PSD2: variants seen among roughly 807,000 people sequenced by gnomAD.
PSD2 encodes the protein pleckstrin and Sec7 domain containing 2, also known as PH and SEC7 domain-containing protein 2.
A neutral mutation model predicts 69.8 loss-of-function variants in PSD2; 38 were observed. The ratio of observed to expected loss-of-function variants is 0.54; its 90% CI spans 0.42 to 0.71. The LOEUF (loss-of-function observed/expected upper bound fraction) is 0.71. Among genes scored for constraint, PSD2 ranks in the 30% least tolerant of loss-of-function variants. PSD2 has a pLI of 0.00. For synonymous variants in PSD2, 412 were observed against 423.0 expected (o/e 0.97, Z 0.32); for missense variants, 943 against 1,014.5 (o/e 0.93, Z 0.96).
intron 7 of PSD2, among the ~76,000 whole-genome samples, chr5:139,823,881 C>G (rs1405174364): frequency 6.6e-6 from 1 of 152,230 alleles, no homozygotes; most frequent in African/African-American, 2.4e-5. Flanking sequence ...CTGCTGGCAG[C>G]CTGGGCTCAT....
the PSD2 span, among the ~76,000 whole-genome samples, chr5:139,780,531 C>T: frequency 4.6e-5 from 7 of 152,162 alleles, no homozygotes; most frequent in Non-Finnish European, 1.0e-4. Context: ...GCAACCACTG[C>T]CTCCTGGGTT....
At chr5:139,828,643 A>T (rs939233180) in intron 7 of PSD2, among the ~76,000 whole-genome samples, 2 of 152,140 alleles carry the variant, frequency 1.3e-5, no homozygotes, top group African/African-American at 4.8e-5. Context: ...CTCCCGAAGG[A>T]TGACGTCTGC....
chr5:139,816,671 C>G (rs1301653409), intron 4 of PSD2, among the ~76,000 whole-genome samples: 2 of 152,244 alleles, frequency 1.3e-5, no homozygotes, highest in African/African-American at 4.8e-5. Context: ...GAAATACAGT[C>G]TTCGTTGGCC....
At chr5:139,832,749 G>A (rs1457877822) in intron 7 of PSD2, among the ~76,000 whole-genome samples, 2 of 152,174 alleles carry the variant, frequency 1.3e-5, no homozygotes, top group South Asian at 4.1e-4. Flanking sequence ...TAAGTATCTG[G>A]TATTCAAGAG....
chr5:139,767,324 TA>T, the PSD2 span, among the ~76,000 whole-genome samples: 1 of 151,736 alleles, frequency 6.6e-6, no homozygotes, highest in Non-Finnish European at 1.5e-5. Context: ...CTTTTATTTT[TA>T]TTTTTTAAAG....
At chr5:139,793,163 G>C (rs978934384), upstream of PSD2, among the ~76,000 whole-genome samples, 2 of 151,968 alleles carry the variant, frequency 1.3e-5, no homozygotes, top group East Asian at 3.9e-4. Flanking sequence ...GGCTGGTCTC[G>C]AGCTCTTGAC....
At chr5:139,831,239 C>A (rs1430206635) in intron 7 of PSD2, among the ~76,000 whole-genome samples, 4 of 152,082 alleles carry the variant, frequency 2.6e-5, no homozygotes, top group Non-Finnish European at 4.4e-5. Flanking sequence ...ATTAGTGTAG[C>A]TATACTGGAG....
chr5:139,774,796 A>G, the PSD2 span, among the ~76,000 whole-genome samples: 2 of 152,156 alleles, frequency 1.3e-5, no homozygotes, highest in Non-Finnish European at 2.9e-5. Context: ...GGCCCCGGGA[A>G]AGGCTTTCTA....
chr5:139,808,164 C>T (rs190912169), intron 1 of PSD2, among the ~76,000 whole-genome samples: 31 of 152,296 alleles, frequency 2.0e-4, no homozygotes, highest in African/African-American at 7.2e-4. Context: ...GGAGAAATGG[C>T]CCAGATTCCT....
the PSD2 span, among the ~76,000 whole-genome samples, chr5:139,781,749 T>C: frequency 6.6e-6 from 1 of 152,084 alleles, no homozygotes; most frequent in East Asian, 1.9e-4. Context: ...TTCTCCTGCG[T>C]CAGCCTCCTG....
At position 139,811,743 on chromosome 5, in the gene PSD2, C is replaced by T. The variant is rs966685061; in HGVS notation, c.372-1566C>T. ...CCAAGTAGCTGGGACTACAGGTGCC[C>T]GCCACTACGCCCGGCTAATTTTTGT... is the stretch of plus-strand genomic sequence containing the variant. On this transcript the variant is annotated intron_variant, in intron 2 of 14. Transcript: ENST00000274710. 3.6e-4 allele frequency among the ~76,000 whole-genome samples: 55 copies of T among 152,050 alleles called. 1 individual carries two copies. Among genetic ancestry groups the T allele is most frequent in the African/African-American group, 1.2e-3 (51 of 41,402 alleles).
At chr5:139,751,038 C>G in the PSD2 span, among the ~76,000 whole-genome samples, 1 of 152,130 alleles carries the variant, frequency 6.6e-6, no homozygotes, top group Non-Finnish European at 1.5e-5. Context: ...TATTCAGGGC[C>G]CCAAATGTTC....
upstream of PSD2, among the ~76,000 whole-genome samples, chr5:139,792,548 G>T (rs1178447119): frequency 6.6e-6 from 1 of 151,984 alleles, no homozygotes; most frequent in African/African-American, 2.4e-5. Context: ...TGCTTCTTAT[G>T]AGACCCCCTC....
At chr5:139,786,945 G>C in the PSD2 span, among the ~76,000 whole-genome samples, 1 of 152,086 alleles carries the variant, frequency 6.6e-6, no homozygotes, top group African/African-American at 2.4e-5. Flanking sequence ...TTTCCATTTA[G>C]AGAAACCCCT....
intron 14 of PSD2, 145 bp from the exon 15 acceptor site, chr5:139,842,126 A>C: frequency 3.1e-6 from 2 of 642,406 alleles, no homozygotes; most frequent in Non-Finnish European, 5.3e-6. Context: ...TCCCTTGTTT[A>C]TTTTTTAATT....
chr5:139,798,812 C>T (rs939160718), intron 1 of PSD2, among the ~76,000 whole-genome samples: 1 of 152,148 alleles, frequency 6.6e-6, no homozygotes, highest in Non-Finnish European at 1.5e-5. Flanking sequence ...TAGTAATCAT[C>T]CAGTTTAACC....
chr5:139,824,656 C>T (rs1760370826), intron 7 of PSD2, among the ~76,000 whole-genome samples: 1 of 152,132 alleles, frequency 6.6e-6, no homozygotes, highest in African/African-American at 2.4e-5. Context: ...CTCTGTTGCT[C>T]CACACGAAGG....
the PSD2 span, among the ~76,000 whole-genome samples, chr5:139,768,910 C>T: frequency 6.6e-6 from 1 of 152,152 alleles, no homozygotes. Context: ...GTCCAGACTC[C>T]CACAGCCTGT....
At chr5:139,745,874 G>A in the PSD2 span, among the ~76,000 whole-genome samples, 1 of 152,142 alleles carries the variant, frequency 6.6e-6, no homozygotes, top group African/African-American at 2.4e-5. Context: ...CACACTGTCC[G>A]GTCACAAACA....
Sources: allele counts gnomAD v4.1 joint callset (sites outside exome capture counted in the v4.1 genomes callset), GRCh38; gene constraint gnomAD v4.1.1; transcripts MANE v1.5; gene names NCBI Gene and HGNC (gene_info 2026-07-23, HGNC 2026-07-21).